Variants in COPG2 observed in about 807,000 individuals in gnomAD.
COPG2 encodes the protein coat protein complex I subunit gamma 2.
COPG2 carries 37 observed loss-of-function variants against 46.3 expected under a neutral mutation model. That is an observed-to-expected ratio of 0.80 (90% CI 0.61 to 1.05). The LOEUF (loss-of-function observed/expected upper bound fraction) is 1.05, where lower values mean the gene tolerates loss of function less well. Among genes scored for constraint, COPG2 ranks in the 50% least tolerant of loss-of-function variants. COPG2 has a pLI of 0.00. For missense variants in COPG2, 427 were observed against 387.8 expected, an observed-to-expected ratio of 1.10 and a Z score of -0.85; for synonymous variants, 159 against 129.7, an observed-to-expected ratio of 1.23 and a Z score of -1.53.
At chr7:130,551,983 T>C (rs1273512282) in intron 15 of COPG2, among the ~76,000 whole-genome samples, 1 of 152,138 alleles carries the variant, frequency 6.6e-6, no homozygotes, top group Non-Finnish European at 1.5e-5. Flanking sequence ...CTCAAAATCA[T>C]GTGAGAGAAA....
chr7:130,517,373 T>C (rs1799688179), intron 20 of COPG2, among the ~76,000 whole-genome samples: 2 of 152,154 alleles, frequency 1.3e-5, no homozygotes, highest in East Asian at 1.9e-4. Context: ...AGTGGTCAAA[T>C]TGGGTGGGAA....
intron 4 of COPG2, among the ~76,000 whole-genome samples, chr7:130,659,059 A>G (rs1470656752): frequency 1.3e-5 from 2 of 152,214 alleles, no homozygotes; most frequent in South Asian, 2.1e-4. Context: ...AAATAAGTAC[A>G]TGAAAATATG....
chr7:130,546,325 A>G (rs952441907), intron 20 of COPG2, among the ~76,000 whole-genome samples: 13 of 152,256 alleles, frequency 8.5e-5, no homozygotes, highest in African/African-American at 3.1e-4. Flanking sequence ...AGCCAGCTTA[A>G]TTACTGGCTA....
chr7:130,541,481 G>A (rs1799936907), intron 20 of COPG2, among the ~76,000 whole-genome samples: 1 of 152,148 alleles, frequency 6.6e-6, no homozygotes, highest in South Asian at 2.1e-4. Flanking sequence ...GTCTCAGGCA[G>A]GGCAGGAGAG....
At chr7:130,537,814 T>G (rs985710029) in intron 20 of COPG2, among the ~76,000 whole-genome samples, 1 of 152,088 alleles carries the variant, frequency 6.6e-6, no homozygotes, top group Non-Finnish European at 1.5e-5. Flanking sequence ...GGAGAAAGCA[T>G]GGTGTGGGTA....
intron 20 of COPG2, among the ~76,000 whole-genome samples, chr7:130,546,326 T>C (rs36183797): frequency 0.19 from 29,462 of 152,140 alleles, 3,040 homozygotes; most frequent in Middle Eastern, 0.25. Flanking sequence ...GCCAGCTTAA[T>C]TACTGGCTAG....
chr7:130,609,647 T>C (rs1554451746), intron 9 of COPG2, among the ~76,000 whole-genome samples: 1 of 152,224 alleles, frequency 6.6e-6, no homozygotes, highest in Non-Finnish European at 1.5e-5. Context: ...ATTAGACTTT[T>C]TGATATATTC....
Position 130,618,884 on chromosome 7 carries a change from C to A in COPG2, c.324-1819G>T, listed in dbSNP as rs1554453247. Among the ~76,000 whole-genome samples, 2 of 152,006 alleles carry A rather than the reference C, an allele frequency of 1.3e-5. 1 individual carries two copies. Among genetic ancestry groups the A allele is most frequent in the South Asian group, 4.1e-4 (2 of 4,826 alleles). On this transcript the variant is annotated intron_variant, in intron 5 of 23. Coordinates refer to ENST00000425248, the MANE Select transcript of COPG2 (RefSeq NM_012133.6). ...AACTTTTTGCATTTAATTCAATTTT[C>A]TAATTATTAATACCTTCACCCAAGC...
intron 5 of COPG2, among the ~76,000 whole-genome samples, chr7:130,626,525 A>G (rs1252194911): frequency 6.6e-6 from 1 of 151,580 alleles, no homozygotes; most frequent in South Asian, 2.1e-4. Context: ...CTGGGATTAC[A>G]GGCGTGAGCC....
At chr7:130,602,591 C>T (rs1173241380) in intron 9 of COPG2, among the ~76,000 whole-genome samples, 1 of 152,078 alleles carries the variant, frequency 6.6e-6, no homozygotes, top group East Asian at 1.9e-4. Flanking sequence ...TCCTGCTCAG[C>T]CTCCTGAATA....
intron 8 of COPG2, among the ~76,000 whole-genome samples, 168 bp downstream of exon 8, chr7:130,611,984 A>C (rs538688616): frequency 2.0e-5 from 3 of 152,384 alleles, no homozygotes; most frequent in South Asian, 2.1e-4. Flanking sequence ...GGCAGTATTC[A>C]AATGGCAGTA....
At chr7:130,522,580 G>A (rs1389731436) in intron 20 of COPG2, among the ~76,000 whole-genome samples, 2 of 152,036 alleles carry the variant, frequency 1.3e-5, no homozygotes, top group Non-Finnish European at 2.9e-5. Flanking sequence ...AAGAGTCGGA[G>A]GGCGAGTGTG....
intron 9 of COPG2, among the ~76,000 whole-genome samples, chr7:130,600,378 A>T (rs1310702271): frequency 6.6e-6 from 1 of 152,102 alleles, no homozygotes; most frequent in Non-Finnish European, 1.5e-5. Context: ...CTCGTGCCTT[A>T]ACCTCCCAAG....
At chr7:130,522,577 G>A (rs1453313929) in intron 20 of COPG2, among the ~76,000 whole-genome samples, 1 of 151,988 alleles carries the variant, frequency 6.6e-6, no homozygotes, top group African/African-American at 2.4e-5. Context: ...TTCAAGAGTC[G>A]GAGGGCGAGT....
chr7:130,551,714 A>G (rs1161711889), intron 15 of COPG2, among the ~76,000 whole-genome samples: 1 of 152,238 alleles, frequency 6.6e-6, no homozygotes, highest in Non-Finnish European at 1.5e-5. Flanking sequence ...TACTGAAAAG[A>G]TAAATTCAAA....
Position 130,506,741 on chromosome 7 carries a change from T to C in COPG2, c.2551A>G (p.Met851Val), listed in dbSNP as rs530770576. The C allele has an allele frequency of 2.6e-6, 2 of 780,644 alleles. No individual in the cohort carries two copies. Among genetic ancestry groups the C allele is most frequent in the African/African-American group, 3.4e-5 (2 of 59,250 alleles). 48.4% of individuals were successfully genotyped at this position (780,644 alleles called of 1,614,324 possible). Residue 851 changes from methionine (M) to valine (V), a missense_variant, in exon 24 of 24, where the codon ATG becomes GTG. Met to Val is a conservative substitution (Grantham distance 21). Transcript: ENST00000425248. ...TCTTTACTTCTGACAGTCACCTGCATGGTCACTCCATCGGCTAAGGCCAGC... is the reference window on the plus strand; with the variant it reads ...TCTTTACTTCTGACAGTCACCTGCACGGTCACTCCATCGGCTAAGGCCAGC... ...SRLALADGVT[M>V]QVTVRSKERT...
At chr7:130,542,111 A>G (rs1793339263) in intron 20 of COPG2, among the ~76,000 whole-genome samples, 1 of 129,432 alleles carries the variant, frequency 7.7e-6, no homozygotes, top group Non-Finnish European at 1.6e-5. Flanking sequence ...GAGCTTGTTG[A>G]GAGGATCAGG....
intron 20 of COPG2, chr7:130,546,737 G>C (rs1356680435): frequency 6.6e-6 from 1 of 152,224 alleles, no homozygotes; most frequent in Non-Finnish European, 1.5e-5. Flanking sequence ...GGGGCTAAAA[G>C]AAAGCAGGTT....
chr7:130,509,916 G>T, intron 20 of COPG2: 1 of 476,000 alleles, frequency 2.1e-6, no homozygotes, highest in South Asian at 1.5e-5. Context: ...ATGCAAAAGA[G>T]CTTTGGCAAG....
Sources: gnomAD v4.1 joint callset for allele counts (sites outside exome capture counted in the v4.1 genomes callset) on GRCh38, gnomAD v4.1.1 for gene constraint, MANE v1.5 for transcripts, NCBI Gene and HGNC (gene_info 2026-07-23, HGNC 2026-07-21) for gene names.